Variants in DACH1 observed in about 807,000 individuals in gnomAD.
The protein encoded by DACH1 is dachshund homolog 1.
A neutral mutation model predicts 54.2 loss-of-function variants in DACH1; 12 were observed. That is an observed-to-expected ratio of 0.22 (90% CI 0.14 to 0.36). DACH1 has a LOEUF of 0.36. Ranked by LOEUF, DACH1 falls within the 10% of genes least tolerant of loss-of-function variation. DACH1 has a pLI of 1.00. For missense variants in DACH1, 805 were observed against 929.8 expected, an observed-to-expected ratio of 0.87 and a Z score of 1.75; for synonymous variants, 386 against 366.2, an observed-to-expected ratio of 1.05 and a Z score of -0.62.
At chr13:71,578,171 A>G (rs549474234) in intron 3 of DACH1, among the ~76,000 whole-genome samples, 1 of 152,286 alleles carries the variant, frequency 6.6e-6, no homozygotes, top group Non-Finnish European at 1.5e-5. Context: ...TGACCCTGAT[A>G]AAGGAGGCAA....
intron 1 of DACH1, among the ~76,000 whole-genome samples, chr13:71,740,123 C>T (rs778286600): frequency 1.9e-4 from 29 of 152,188 alleles, no homozygotes; most frequent in Non-Finnish European, 3.1e-4. Context: ...TAGAATCCCA[C>T]ACGCAAAAGT....
At chr13:71,611,761 T>C (rs1566377330) in intron 3 of DACH1, among the ~76,000 whole-genome samples, 1 of 152,286 alleles carries the variant, frequency 6.6e-6, no homozygotes, top group East Asian at 1.9e-4. Context: ...TCCAGAAATA[T>C]GGACAATGGT....
chr13:71,751,186 T>C (rs900011484), intron 1 of DACH1, among the ~76,000 whole-genome samples: 1 of 152,176 alleles, frequency 6.6e-6, no homozygotes, highest in African/African-American at 2.4e-5. Flanking sequence ...CTGCAAGAAC[T>C]GTTTGCATAT....
At chr13:71,473,576 A>T (rs1241696804) in intron 10 of DACH1, among the ~76,000 whole-genome samples, 3 of 152,212 alleles carry the variant, frequency 2.0e-5, no homozygotes, top group African/African-American at 7.2e-5. Context: ...AACAACCAAC[A>T]TGTTGTTATG....
rs1873765747 is a variant in DACH1 at position 71,439,045 on chromosome 13, G to C, written c.*1610C>G. 1 of 152,414 alleles carries C rather than the reference G, an allele frequency of 6.6e-6. No homozygotes were observed. The highest frequency in any genetic ancestry group is 1.5e-5 in the Non-Finnish European group (1 of 67,904). The allele number at this position is 152,414 out of a possible 1,614,324, so 9.4% of individuals were successfully genotyped here. A position where few individuals can be genotyped will look rare whatever the true frequency, so the allele number is the denominator to read the frequency against. On this transcript the variant is annotated 3_prime_UTR_variant, in exon 11 of 11. Transcript: ENST00000613252. ...TAAAAGGTATAGAAGCGTAATGCCA[G>C]AGTATCTATAATGTTAATTTTTTCT... is the stretch of plus-strand genomic sequence containing the variant.
At chr13:71,717,688 A>G (rs1243410026) in intron 1 of DACH1, among the ~76,000 whole-genome samples, 1 of 152,104 alleles carries the variant, frequency 6.6e-6, no homozygotes, top group African/African-American at 2.4e-5. Context: ...TCGATGGAAA[A>G]AAAAATCTAG....
rs1873735338 is a variant in DACH1 at position 71,438,722 on chromosome 13, C to A, written c.*1933G>T. 6.6e-6 allele frequency: 1 copy of A among 152,356 alleles called. No homozygotes were observed. Among genetic ancestry groups the A allele is most frequent in the Admixed American group, 6.6e-5 (1 of 15,224 alleles). 9.4% of individuals were successfully genotyped at this position (152,356 alleles called of 1,614,324 possible). A position where few individuals can be genotyped will look rare whatever the true frequency, so the allele number is the denominator to read the frequency against. On this transcript the variant is annotated 3_prime_UTR_variant, in exon 11 of 11. Transcript: ENST00000613252. ...GCAAAAAGCTTGACACAAGTCCATTCAATTTTAAGTGTTGTAATCCTTTAA... is the reference window on the plus strand; with the variant it reads ...GCAAAAAGCTTGACACAAGTCCATTAAATTTTAAGTGTTGTAATCCTTTAA...
At chr13:71,570,084 T>C (rs1885107105) in intron 4 of DACH1, among the ~76,000 whole-genome samples, 1 of 152,150 alleles carries the variant, frequency 6.6e-6, no homozygotes, top group South Asian at 2.1e-4. Context: ...TTAACATCTA[T>C]TAGGTGAGTT....
chr13:71,722,677 G>A lies in DACH1; in HGVS notation c.849-40767C>T, dbSNP rs552289358. Among the ~76,000 whole-genome samples, 13 of 152,210 alleles carry A rather than the reference G, an allele frequency of 8.5e-5. No individual in the cohort carries two copies. The South Asian group carries it at 2.7e-3, about 32-fold the overall frequency. On this transcript the variant is annotated intron_variant, in intron 1 of 10. Coordinates refer to ENST00000613252, the MANE Select transcript of DACH1 (RefSeq NM_080759.6). Reference sequence around the variant, plus strand: ...GTTCTAAATATGTTGATAAAGTACTGAAAAGCCAGACACACAGTATCATTC... The same window carrying A: ...GTTCTAAATATGTTGATAAAGTACTAAAAAGCCAGACACACAGTATCATTC...
At chr13:71,528,247 G>A (rs1450196709) in intron 6 of DACH1, among the ~76,000 whole-genome samples, 1 of 151,976 alleles carries the variant, frequency 6.6e-6, no homozygotes, top group Non-Finnish European at 1.5e-5. Context: ...TGATCGTACC[G>A]GGGAATATAT....
rs1883615610 is a variant in DACH1, at chr13:71,729,068, GTAAA to G, written c.849-47162_849-47159del. ...CCCCAGATTAATGAAGAAATCCCAAGTAAAAGAACACAAAAACATCTAAGAGTGA... is the reference window on the plus strand; with the variant it reads ...CCCCAGATTAATGAAGAAATCCCAAGAGAACACAAAAACATCTAAGAGTGA... On this transcript the variant is annotated intron_variant, in intron 1 of 10. Transcript: ENST00000613252. Among the ~76,000 whole-genome samples, 6 of 152,014 alleles carry G rather than the reference GTAAA, an allele frequency of 3.9e-5. No individual in the cohort carries two copies. The South Asian group carries it at 1.0e-3, about 26-fold the overall frequency.
chr13:71,543,977 A>G (rs1883304842), intron 6 of DACH1, among the ~76,000 whole-genome samples: 1 of 151,566 alleles, frequency 6.6e-6, no homozygotes, highest in African/African-American at 2.4e-5. Flanking sequence ...CAACTATAGC[A>G]AAACTCAGAA....
chr13:71,551,772 T>G (rs1327768669), intron 6 of DACH1, among the ~76,000 whole-genome samples: 1 of 152,150 alleles, frequency 6.6e-6, no homozygotes, highest in African/African-American at 2.4e-5. Context: ...TCCATAAGAT[T>G]GGATGCTAAG....
intron 1 of DACH1, among the ~76,000 whole-genome samples, chr13:71,739,109 T>C (rs1884274256): frequency 6.6e-6 from 1 of 151,830 alleles, no homozygotes; most frequent in South Asian, 2.1e-4. Context: ...AAAAATTAGC[T>C]GCCGTAGTGG....
intron 6 of DACH1, among the ~76,000 whole-genome samples, chr13:71,533,519 G>C (rs1021029528): frequency 2.6e-5 from 4 of 152,012 alleles, no homozygotes; most frequent in Admixed American, 6.6e-5. Flanking sequence ...GTTATTTCCG[G>C]CCTATATTAA....
chr13:71,533,656 A>AC (rs1882564258), intron 6 of DACH1, among the ~76,000 whole-genome samples: 1 of 151,750 alleles, frequency 6.6e-6, no homozygotes, highest in Non-Finnish European at 1.5e-5. Flanking sequence ...TGAAATCTCT[A>AC]TGGGAATGTA....
Position 71,559,895 on chromosome 13 carries a change from T to G in DACH1, c.1360A>C (p.Ser454Arg). Residue 454 changes from serine (S) to arginine (R), a missense_variant, in exon 5 of 11, where the codon AGT (serine) becomes CGT (arginine). Physicochemically the swap from Ser to Arg is moderately radical, Grantham distance 110. Around this residue, in one of 3 missense-constraint regions of DACH1, gnomAD observed 472 missense variants for 545.3 expected, o/e 0.87. Transcript: ENST00000613252. ...PSLEEGRRPG[S>R]HPSSHRSSSV... is the part of the protein sequence containing the mutation. ...CTGCTGCGATGTGATGATGGGTGAC[T>G]GCCAGGCCTTCTCCCCTCCTCCAGA... The G allele has an allele frequency of 6.2e-7, 1 of 1,610,686 alleles. No individual in the cohort carries two copies. Among genetic ancestry groups the G allele is most frequent in the East Asian group, 2.2e-5 (1 of 44,482 alleles).
chr13:71,704,216 A>G lies in DACH1; in HGVS notation c.849-22306T>C, dbSNP rs1237682940. ...CAAAGGGAAAGAAGAGAGGCACCTG[A>G]TATATGTTCTCTAGGCCTTTGAGAC... On this transcript the variant is annotated intron_variant, in intron 1 of 10. Coordinates refer to ENST00000613252, the MANE Select transcript of DACH1 (RefSeq NM_080759.6). 1.6e-5 allele frequency: 4 copies of G among 242,954 alleles called. No homozygotes were observed. The East Asian group carries it at 3.6e-4, about 22-fold the overall frequency. The allele number at this position is 242,954 out of a possible 1,614,324, so 15.0% of individuals were successfully genotyped here. A position where few individuals can be genotyped will look rare whatever the true frequency, so the allele number is the denominator to read the frequency against.
intron 10 of DACH1, among the ~76,000 whole-genome samples, chr13:71,456,003 G>A (rs1875524437): frequency 6.6e-6 from 1 of 151,928 alleles, no homozygotes; most frequent in African/African-American, 2.4e-5. Flanking sequence ...ACAAAAAAAG[G>A]CAAAATGTCC....
Sources: gnomAD v4.1 joint callset for allele counts (sites outside exome capture counted in the v4.1 genomes callset) on GRCh38, gnomAD v4.1.1 for gene constraint, gnomAD v4.1.1 regional missense constraint, MANE v1.5 for transcripts, NCBI Gene and HGNC (gene_info 2026-07-23, HGNC 2026-07-21) for gene names.